CRISP1: variants seen among roughly 807,000 people sequenced by gnomAD.
CRISP1 encodes cysteine rich secretory protein 1, also known as cysteine-rich secretory protein 1.
A neutral mutation model predicts 33.1 loss-of-function variants in CRISP1; 44 were observed. The observed-to-expected ratio is 1.33, with a 90% confidence interval of 1.05 to 1.71. The LOEUF is 1.71. Among genes scored for constraint, CRISP1 ranks in the 40% most tolerant of loss-of-function variants. The pLI, the probability that CRISP1 is intolerant of heterozygous loss-of-function variation, is 0.00. For missense variants in CRISP1, 390 were observed against 301.2 expected, an observed-to-expected ratio of 1.29 and a Z score of -2.18; for synonymous variants, 103 against 98.7, an observed-to-expected ratio of 1.04 and a Z score of -0.26.
intron 5 of CRISP1, among the ~76,000 whole-genome samples, chr6:49,846,257 A>G (rs1771163554): frequency 6.6e-6 from 1 of 152,200 alleles, no homozygotes; most frequent in East Asian, 1.9e-4. Context: ...TACTACCAAT[A>G]TCAAATGAGA....
At chr6:49,845,795 T>TA (rs568960285) in intron 5 of CRISP1, among the ~76,000 whole-genome samples, 92 of 151,800 alleles carry the variant, frequency 6.1e-4, no homozygotes, top group Middle Eastern at 6.8e-3. Context: ...CATTTAGCCT[T>TA]AAAAAAAAGA....
At chr6:49,838,353 TG>T (rs1770871898) in intron 7 of CRISP1, 83 bp downstream of exon 7, 5 of 971,884 alleles carry the variant, frequency 5.1e-6, no homozygotes, top group Admixed American at 2.2e-5. Flanking sequence ...AAAAGTGCGA[TG>T]TTTTTTAATG....
chr6:49,834,705 A>T lies in CRISP1; in HGVS notation c.*611T>A, dbSNP rs1028004139. On this transcript the variant is annotated 3_prime_UTR_variant, in exon 8 of 8. Coordinates refer to ENST00000335847, the MANE Select transcript of CRISP1 (RefSeq NM_001131.3). ...AACATGCATCTTGTATGCAATCAGT[A>T]CTGAATACATATTTTGTTAAATTAA... 1 of 152,226 alleles carries T rather than the reference A, an allele frequency of 6.6e-6. No homozygotes were observed. The highest frequency in any genetic ancestry group is 1.5e-5 in the Non-Finnish European group (1 of 68,056). The allele number at this position is 152,226 out of a possible 1,614,324, so 9.4% of individuals were successfully genotyped here. A position where few individuals can be genotyped will look rare whatever the true frequency, so the allele number is the denominator to read the frequency against.
chr6:49,869,551 T>A (rs758121957), upstream of CRISP1, among the ~76,000 whole-genome samples: 3 of 152,192 alleles, frequency 2.0e-5, no homozygotes, highest in Admixed American at 1.3e-4. Flanking sequence ...CATACACTCC[T>A]ACCCCTAACC....
intron 1 of CRISP1, among the ~76,000 whole-genome samples, chr6:49,865,711 G>A (rs565551086): frequency 6.6e-6 from 1 of 152,210 alleles, no homozygotes; most frequent in African/African-American, 2.4e-5. Flanking sequence ...GAGCAGGAAG[G>A]GCCCAAAGGG....
intron 2 of CRISP1, among the ~76,000 whole-genome samples, chr6:49,852,802 G>A (rs569744629): frequency 6.6e-6 from 1 of 151,490 alleles, no homozygotes; most frequent in Non-Finnish European, 1.5e-5. Flanking sequence ...AAAAATACAT[G>A]ACCAAAGTAT....
rs750873188 is a variant in CRISP1 at position 49,848,183 on chromosome 6, G to A, written c.286+26C>T. On this transcript the variant is annotated intron_variant, in intron 4 of 7. Transcript: ENST00000335847. Reference sequence around the variant, plus strand: ...CTATTTTTTTTTTTTTTAGTCCAAAGGCGGGTCATATAGATACACACTTAC... The same window carrying A: ...CTATTTTTTTTTTTTTTAGTCCAAAAGCGGGTCATATAGATACACACTTAC... 10 of 1,294,152 alleles carry A rather than the reference G, an allele frequency of 7.7e-6. 2 individuals are homozygous for A. In the South Asian group the frequency reaches 1.2e-4, roughly 15 times the overall value. The allele number at this position is 1,294,152 out of a possible 1,614,324, so 80.2% of individuals were successfully genotyped here. A position where few individuals can be genotyped will look rare whatever the true frequency, so the allele number is the denominator to read the frequency against.
intron 2 of CRISP1, among the ~76,000 whole-genome samples, chr6:49,856,782 A>T (rs533531032): frequency 6.6e-6 from 1 of 152,220 alleles, no homozygotes; most frequent in South Asian, 2.1e-4. Flanking sequence ...AAAATATTAT[A>T]TCATTGAGTG....
intron 1 of CRISP1, among the ~76,000 whole-genome samples, chr6:49,873,378 T>A (rs1452081499): frequency 2.6e-5 from 4 of 152,196 alleles, no homozygotes; most frequent in Non-Finnish European, 5.9e-5. Context: ...CCATTTAATT[T>A]GATTAATGAT....
chr6:49,864,384 C>CTGTGTGTGTGTGTG (rs3997164), intron 1 of CRISP1, among the ~76,000 whole-genome samples: 10 of 142,370 alleles, frequency 7.0e-5, no homozygotes, highest in South Asian at 2.3e-4. Flanking sequence ...TTGCTATTCA[C>CTGTGTGTGTGTGTG]TGTGTGTGTG....
chr6:49,835,099 A>C lies in CRISP1; in HGVS notation c.*217T>G, dbSNP rs1016892578. The C allele has an allele frequency of 1.7e-5, 7 of 416,824 alleles. No homozygotes were observed. Among genetic ancestry groups the C allele is most frequent in the African/African-American group, 1.4e-4 (7 of 48,794 alleles). The allele number at this position is 416,824 out of a possible 1,614,324, so 25.8% of individuals were successfully genotyped here. ...TAAAAACTATAAATCACATGATTTA[A>C]ATTTAAGGCAGGTGTTGGACTTGAC... On this transcript the variant is annotated 3_prime_UTR_variant, in exon 8 of 8. Coordinates refer to ENST00000335847, the MANE Select transcript of CRISP1 (RefSeq NM_001131.3).
At chr6:49,847,788 G>A (rs1167974545) in intron 4 of CRISP1, among the ~76,000 whole-genome samples, 1 of 151,938 alleles carries the variant, frequency 6.6e-6, no homozygotes, top group Non-Finnish European at 1.5e-5. Context: ...ATTGTCTTAT[G>A]GGCAGCTGAG....
chr6:49,847,515 A>T (rs1771217283), intron 4 of CRISP1, among the ~76,000 whole-genome samples: 1 of 151,890 alleles, frequency 6.6e-6, no homozygotes, highest in South Asian at 2.1e-4. Context: ...CTCCCCCTTC[A>T]CCTTCTGCCA....
At chr6:49,864,700 C>T (rs1771754995) in intron 1 of CRISP1, among the ~76,000 whole-genome samples, 1 of 151,938 alleles carries the variant, frequency 6.6e-6, no homozygotes, top group Admixed American at 6.6e-5. Flanking sequence ...CCACTTTGAT[C>T]CCATCTTTTC....
At chr6:49,873,629 CAG>C (rs1582290870) in intron 1 of CRISP1, among the ~76,000 whole-genome samples, 1 of 151,914 alleles carries the variant, frequency 6.6e-6, no homozygotes, top group South Asian at 2.1e-4. Context: ...TCAAAAGGAA[CAG>C]AGTTATTTAT....
chr6:49,846,154 T>C (rs762921000), intron 5 of CRISP1, among the ~76,000 whole-genome samples: 1 of 152,166 alleles, frequency 6.6e-6, no homozygotes, highest in African/African-American at 2.4e-5. Flanking sequence ...AAAATGGTAA[T>C]TTTTTAAATG....
intron 6 of CRISP1, among the ~76,000 whole-genome samples, chr6:49,839,853 T>C (rs1391483300): frequency 1.3e-5 from 2 of 152,218 alleles, no homozygotes; most frequent in Non-Finnish European, 2.9e-5. Flanking sequence ...ATAGAGTTAT[T>C]ATATGGTGAT....
At chr6:49,854,748 C>T (rs1400772405) in intron 2 of CRISP1, among the ~76,000 whole-genome samples, 2 of 152,076 alleles carry the variant, frequency 1.3e-5, no homozygotes, top group Non-Finnish European at 2.9e-5. Context: ...TCTAGGTGAT[C>T]CACCTGCCCT....
intron 2 of CRISP1, among the ~76,000 whole-genome samples, chr6:49,855,714 G>A (rs999848420): frequency 1.3e-5 from 2 of 152,056 alleles, no homozygotes; most frequent in Non-Finnish European, 2.9e-5. Context: ...TATATAAAAA[G>A]TAAAAACAAT....
Sources: allele counts gnomAD v4.1 joint callset (sites outside exome capture counted in the v4.1 genomes callset), GRCh38; gene constraint gnomAD v4.1.1; transcripts MANE v1.5; gene names NCBI Gene and HGNC (gene_info 2026-07-23, HGNC 2026-07-21).